Variants in PEX5 observed in about 807,000 individuals in gnomAD.
PEX5 encodes the protein peroxisomal biogenesis factor 5.
PEX5 carries 52 observed loss-of-function variants against 82.9 expected under a neutral mutation model. The ratio of observed to expected loss-of-function variants is 0.63; its 90% CI spans 0.50 to 0.79. PEX5 has a LOEUF of 0.79. Ranked by LOEUF, PEX5 falls within the 30% of genes least tolerant of loss-of-function variation. The pLI, the probability that PEX5 is intolerant of heterozygous loss-of-function variation, is 0.00. For synonymous variants in PEX5, 300 were observed against 318.8 expected (o/e 0.94, Z 0.63); for missense variants, 719 against 815.2 (o/e 0.88, Z 1.44).
At position 7,201,809 on chromosome 12, in the gene PEX5, A is replaced by G. The variant is rs149289353; in HGVS notation, c.610A>G (p.Lys204Glu). 1.8e-4 allele frequency: 287 copies of G among 1,613,762 alleles called. No individual in the cohort carries two copies. The highest frequency in any genetic ancestry group is 2.4e-4 in the Non-Finnish European group (278 of 1,179,762). Residue 204 changes from lysine to glutamate, a missense_variant, in exon 7 of 16, where the codon AAA (lysine) becomes GAA (glutamate). By Grantham distance (56) the Lys-to-Glu change is moderately conservative. Transcript: ENST00000675855. ...LQHTASDFVA[K>E]VDDPKLANSE... ...GCACACGGCCAGTGACTTTGTGGCC[A>G]AAGTGGATGACCCCAAATTGGCTAA...
intron 6 of PEX5, among the ~76,000 whole-genome samples, chr12:7,200,324 G>C (rs1424012969): frequency 5.3e-5 from 8 of 150,810 alleles, no homozygotes; most frequent in Admixed American, 1.3e-4. Flanking sequence ...TCACTTCCTC[G>C]ATGGGATGGC....
In PEX5 at chr12:7,209,146, A is replaced by C; in HGVS notation, c.1536A>C (p.Thr512=). 6.2e-7 allele frequency: 1 copy of C among 1,614,012 alleles called. No individual in the cohort carries two copies. Among genetic ancestry groups the C allele is most frequent in the South Asian group, 1.1e-5 (1 of 91,076 alleles). The change falls in exon 14 of 16, where the codon ACA becomes ACC. Residue 512 remains threonine (T), a synonymous_variant. Transcript: ENST00000675855. ...ATGACAAGGCCGTGGACTGCTTCACAGCTGCCCTCAGCGTTCGTCCCAATG... is the reference window on the plus strand; with the variant it reads ...ATGACAAGGCCGTGGACTGCTTCACCGCTGCCCTCAGCGTTCGTCCCAATG... ...GEYDKAVDCF[T]AALSVRPNDY... is the part of the protein sequence containing the mutation.
rs151092214 is a variant in PEX5, at chr12:7,191,770, C to T, written c.448+70C>T. On this transcript the variant is annotated intron_variant, in intron 5 of 15. Coordinates refer to ENST00000675855, the MANE Select transcript of PEX5 (RefSeq NM_001351132.2). ...GAATTCTATACCCTTCCCCTGTTCA[C>T]GTTATAGTGTGATTACGATTTTTCT... The T allele has an allele frequency of 1.5e-3, 2,195 of 1,434,618 alleles. 4 individuals carry two copies. The highest frequency in any genetic ancestry group is 2.0e-3 in the Non-Finnish European group (2,062 of 1,018,720). The allele number at this position is 1,434,618 out of a possible 1,614,324, so 88.9% of individuals were successfully genotyped here.
chr12:7,200,288 G>A (rs1346038751), intron 6 of PEX5, among the ~76,000 whole-genome samples: 1 of 151,204 alleles, frequency 6.6e-6, no homozygotes, highest in African/African-American at 2.4e-5. Context: ...CATCTCAGAC[G>A]ATGGGTGGTC....
intron 5 of PEX5, among the ~76,000 whole-genome samples, chr12:7,197,538 A>ATAATTATATGTG (rs1565689827): frequency 4.2e-5 from 5 of 119,402 alleles, no homozygotes; most frequent in Admixed American, 8.0e-5. Flanking sequence ...ATATAATGTA[A>ATAATTATATGTG]TTATATATGT....
intron 4 of PEX5, 26 bp from the exon 5 acceptor site, chr12:7,191,543 T>C: frequency 6.2e-7 from 1 of 1,613,448 alleles, no homozygotes; most frequent in Non-Finnish European, 8.5e-7. Context: ...GTATTCTTTC[T>C]TAGTTTTCTC....
rs1325780652 is a variant in PEX5, at chr12:7,190,417, G to A, written c.40G>A (p.Ala14Thr). 1.9e-6 allele frequency: 3 copies of A among 1,614,088 alleles called. No individual in the cohort carries two copies. Among genetic ancestry groups the A allele is most frequent in the Non-Finnish European group, 2.5e-6 (3 of 1,180,050 alleles). Residue 14 changes from alanine (A) to threonine (T), a missense_variant, in exon 2 of 16, where the codon GCC (alanine) becomes ACC (threonine). Ala to Thr is a moderately conservative substitution (Grantham distance 58). Coordinates refer to ENST00000675855, the MANE Select transcript of PEX5 (RefSeq NM_001351132.2). ...RELVEAECGGANPLMKLAGHF... is the reference protein window; with the variant it reads ...RELVEAECGGTNPLMKLAGHF... ...GCTGGTGGAGGCCGAATGCGGGGGT[G>A]CCAACCCGCTCATGAAGCTCGCCGG...
rs1277180822 is a variant in PEX5, at chr12:7,200,870, GGAGACCGTGGAAAGAGAGGGGGAGA to G, written c.552-872_552-848del. On this transcript the variant is annotated intron_variant, in intron 6 of 15. Coordinates refer to ENST00000675855, the MANE Select transcript of PEX5 (RefSeq NM_001351132.2). The stretch of plus-strand genomic sequence containing the variant: ...GTCCAGCTTCGGCTCGGCATCAGAG[GGAGACCGTGGAAAGAGAGGGGGAGA>G]GAGACCGTAGGGAGAGGGAGAGGGA... 2.6e-5 allele frequency among the ~76,000 whole-genome samples: 4 copies of G among 151,000 alleles called. No individual in the cohort carries two copies. The East Asian group carries it at 7.7e-4, about 29-fold the overall frequency.
At chr12:7,193,290 G>C (rs1378102553) in intron 5 of PEX5, among the ~76,000 whole-genome samples, 2 of 147,794 alleles carry the variant, frequency 1.4e-5, no homozygotes, top group East Asian at 3.9e-4. Flanking sequence ...GTGGAGTGCA[G>C]CGGTGCAATC....
chr12:7,190,142 G>A (rs1295328584), intron 1 of PEX5: 10 of 1,486,136 alleles, frequency 6.7e-6, no homozygotes, highest in Non-Finnish European at 8.9e-6. Flanking sequence ...CTCTGCAGAG[G>A]CGCAGGCTGG....
In PEX5 at chr12:7,191,458, G is replaced by A. The variant is rs1941100745; in HGVS notation, c.316+100G>A. ...GCTGCTGGCATTGGGGACCTGAGAT[G>A]CAGAAGGAGACAAAAGTAACAGAGT... On this transcript the variant is annotated intron_variant, in intron 4 of 15. Transcript: ENST00000675855. 8.1e-6 allele frequency: 13 copies of A among 1,597,414 alleles called. No homozygotes were observed. In the Admixed American group the frequency reaches 2.0e-4, roughly 25 times the overall value.
intron 10 of PEX5, among the ~76,000 whole-genome samples, chr12:7,206,091 A>G (rs1944727118): frequency 6.6e-6 from 1 of 152,254 alleles, no homozygotes; most frequent in African/African-American, 2.4e-5. Flanking sequence ...TAAAACACGT[A>G]TTAATGATGA....
intron 9 of PEX5, among the ~76,000 whole-genome samples, chr12:7,203,022 T>G (rs10841038): frequency 0.74 from 111,575 of 151,792 alleles, 41,776 homozygotes; most frequent in South Asian, 0.83. Context: ...GCGTGGTGTG[T>G]TGGCGCATGC....
intron 17 of PEX5, among the ~76,000 whole-genome samples, chr12:7,217,306 A>G (rs1327247648): frequency 6.6e-6 from 1 of 152,248 alleles, no homozygotes; most frequent in Non-Finnish European, 1.5e-5. Flanking sequence ...CCACTCCAAA[A>G]TTTAGTGGCT....
rs374772108 is a variant in PEX5, at chr12:7,190,834, A to G, written c.148-54A>G. 1.7e-5 allele frequency: 26 copies of G among 1,559,118 alleles called. No individual in the cohort carries two copies. In the African/African-American group the frequency reaches 2.6e-4, roughly 15 times the overall value. ...GCTCAGATGCCTATGGGCTTCATCA[A>G]CCCCTGATTTTAGAGGAACTGCGTC... On this transcript the variant is annotated intron_variant, in intron 2 of 15. Transcript: ENST00000675855.
chr12:7,201,625 G>T, intron 6 of PEX5, 126 bp from the exon 7 acceptor site: 1 of 749,754 alleles, frequency 1.3e-6, no homozygotes, highest in Non-Finnish European at 2.4e-6. Flanking sequence ...ATTGGAGTTT[G>T]TAGGTTCTCA....
chr12:7,207,655 G>GT lies in PEX5; in HGVS notation c.967-3dup, dbSNP rs777815209. The GT allele has an allele frequency of 6.8e-6, 11 of 1,614,000 alleles. No homozygotes were observed. The highest frequency in any genetic ancestry group is 3.3e-4 in the Middle Eastern group (2 of 6,062). ...AGTCCATCTCTCACGTGCTTTTCTT[G>GT]TAGGGGTACCAGTTTGAGGAGGAGA... On this transcript the variant is annotated splice_polypyrimidine_tract_variant and splice_region_variant and intron_variant, in intron 10 of 15. Transcript: ENST00000675855.
chr12:7,217,489 C>T (rs1186470002), intron 17 of PEX5, among the ~76,000 whole-genome samples: 1 of 152,180 alleles, frequency 6.6e-6, no homozygotes. Context: ...GAGACGGCCT[C>T]GTTACAGCAT....
rs1945037097 is a variant in PEX5, at chr12:7,208,069, T to C, written c.1170T>C (p.Ser390=). ...ATGAACAAGAACTATTAGCCATCAG[T>C]GCATTGCGGAGGTGAGTACACTGAA... is the stretch of plus-strand genomic sequence containing the variant. ...AENEQELLAI[S]ALRRCLELKP... Residue 390 remains serine (S), a synonymous_variant, in exon 12 of 16, where the codon AGT becomes AGC. Transcript: ENST00000675855. 6 of 1,612,978 alleles carry C rather than the reference T, an allele frequency of 3.7e-6. No homozygotes were observed. The highest frequency in any genetic ancestry group is 4.2e-6 in the Non-Finnish European group (5 of 1,178,908).
Sources: gnomAD v4.1 joint callset for allele counts (sites outside exome capture counted in the v4.1 genomes callset) on GRCh38, gnomAD v4.1.1 for gene constraint, MANE v1.5 for transcripts, NCBI Gene and HGNC (gene_info 2026-07-23, HGNC 2026-07-21) for gene names.